Variants in XPNPEP3 observed in about 807,000 individuals in gnomAD.
The protein encoded by XPNPEP3 is X-prolyl aminopeptidase 3.
In XPNPEP3, 41 loss-of-function variants were observed where a neutral mutation model predicts 60.0. That is an observed-to-expected ratio of 0.68 (90% CI 0.53 to 0.89). The LOEUF (loss-of-function observed/expected upper bound fraction) is 0.89. Ranked by LOEUF, XPNPEP3 falls within the 40% of genes least tolerant of loss-of-function variation. The pLI is 0.00. For synonymous variants in XPNPEP3, 212 were observed against 223.2 expected (o/e 0.95, Z 0.45); for missense variants, 598 against 638.9 (o/e 0.94, Z 0.69).
chr22:40,860,656 C>CTTT (rs202011264), intron 1 of XPNPEP3: 49 of 1,130,960 alleles, frequency 4.3e-5, no homozygotes, highest in South Asian at 1.0e-4. Flanking sequence ...TTCCAAATTC[C>CTTT]TTTTTTTTTT....
chr22:40,879,761 G>A (rs1246925798), intron 2 of XPNPEP3, among the ~76,000 whole-genome samples: 1 of 152,174 alleles, frequency 6.6e-6, no homozygotes, highest in East Asian at 1.9e-4. Flanking sequence ...AGAATTGCTT[G>A]AACCGGGAAG....
intron 6 of XPNPEP3, 140 bp from the exon 7 acceptor site, chr22:40,914,099 A>T: frequency 2.8e-6 from 2 of 704,586 alleles, no homozygotes; most frequent in African/African-American, 1.8e-5. Context: ...CTGAGATCAC[A>T]CCATTGCACT....
chr22:40,877,542 G>A (rs1024312408), intron 2 of XPNPEP3, among the ~76,000 whole-genome samples: 2 of 152,178 alleles, frequency 1.3e-5, no homozygotes, highest in South Asian at 4.1e-4. Context: ...ATGATCTTAA[G>A]TGTCCTGGAA....
intron 2 of XPNPEP3, among the ~76,000 whole-genome samples, chr22:40,879,028 G>A (rs2058037620): frequency 6.6e-6 from 1 of 152,196 alleles, no homozygotes; most frequent in Admixed American, 6.6e-5. Flanking sequence ...TTTTGTAAGA[G>A]TATTTACTAC....
chr22:40,872,595 C>T (rs1448306581), intron 2 of XPNPEP3, among the ~76,000 whole-genome samples: 10 of 151,948 alleles, frequency 6.6e-5, no homozygotes, highest in South Asian at 6.2e-4. Flanking sequence ...GGATTACAGG[C>T]GCCTGCTACC....
intron 4 of XPNPEP3, among the ~76,000 whole-genome samples, chr22:40,892,041 G>A (rs540475473): frequency 1.1e-4 from 17 of 152,230 alleles, no homozygotes; most frequent in African/African-American, 1.9e-4. Flanking sequence ...GTTGCTTTGG[G>A]CATGCTGTCA....
chr22:40,870,365 T>G (rs2057999013), intron 2 of XPNPEP3: 1 of 234,592 alleles, frequency 4.3e-6, no homozygotes, highest in Non-Finnish European at 8.7e-6. Flanking sequence ...TAGATTTTTT[T>G]GCTCTATACC....
chr22:40,897,029 CTTTTTTTTTTT>C (rs762152639), intron 4 of XPNPEP3, among the ~76,000 whole-genome samples: 1 of 107,690 alleles, frequency 9.3e-6, no homozygotes, highest in South Asian at 3.2e-4. Context: ...TTTCCTTCAT[CTTTTTTTTTTT>C]TTTTTTTTTT....
intron 4 of XPNPEP3, among the ~76,000 whole-genome samples, chr22:40,891,815 G>GCCA (rs1205510238): frequency 1.3e-5 from 2 of 152,168 alleles, no homozygotes; most frequent in Admixed American, 6.5e-5. Flanking sequence ...GCACTCAGTT[G>GCCA]CATTGTTGGA....
At chr22:40,860,921 C>T (rs1464311551) in intron 1 of XPNPEP3, 2 of 824,190 alleles carry the variant, frequency 2.4e-6, no homozygotes, top group Non-Finnish European at 3.7e-6. Flanking sequence ...CATACCCATT[C>T]AAAAAAACTA....
chr22:40,917,294 C>CACA (rs1441822009), intron 7 of XPNPEP3: 1 of 152,112 alleles, frequency 6.6e-6, no homozygotes, highest in Non-Finnish European at 1.5e-5. Context: ...CAGAGCAGGT[C>CACA]ACAACTCTCA....
At position 40,881,882 on chromosome 22, in the gene XPNPEP3, T is replaced by G; in HGVS notation, c.294T>G (p.Val98=). Residue 98 remains valine (V), a synonymous_variant, in exon 3 of 10, where the codon GTT becomes GTG. Coordinates refer to ENST00000357137, the MANE Select transcript of XPNPEP3 (RefSeq NM_022098.4). ...QGQSGTDQTV[V]VLSNPTYYMS... ...AGAGTGGGACAGACCAGACAGTGGT[T>G]GTGCTCTCCAACCCTACATACTACA... 1 of 1,614,178 alleles carries G rather than the reference T, an allele frequency of 6.2e-7. No homozygotes were observed.
chr22:40,878,970 GA>G (rs1569018999), intron 2 of XPNPEP3, among the ~76,000 whole-genome samples: 2 of 151,834 alleles, frequency 1.3e-5, no homozygotes, highest in African/African-American at 2.4e-5. Context: ...AAAATAAGAT[GA>G]AAAAAAGGAA....
chr22:40,886,461 C>G lies in XPNPEP3; in HGVS notation c.738C>G (p.Ile246Met). 2 of 1,614,094 alleles carry G rather than the reference C, an allele frequency of 1.2e-6. No homozygotes were observed. Among genetic ancestry groups the G allele is most frequent in the Non-Finnish European group, 1.7e-6 (2 of 1,180,020 alleles). ...VQQLIQRLRL[I>M]KSPAEIERMQ... ...AGCTGATACAGCGCCTCCGGCTGAT[C>G]AAGTCTCCTGCAGAAATTGAACGAA... The change falls in exon 4 of 10, where the codon ATC (isoleucine) becomes ATG (methionine). Residue 246 changes from isoleucine (I) to methionine (M), a missense_variant. Transcript: ENST00000357137.
At position 40,928,309 on chromosome 22, in the gene XPNPEP3, C is replaced by CAGGT. The variant is rs2058242888; in HGVS notation, c.*1875_*1876insGGTA. The CAGGT allele has an allele frequency of 1.3e-5, 2 of 150,592 alleles. No homozygotes were observed. The highest frequency in any genetic ancestry group is 4.2e-4 in the South Asian group (2 of 4,790). 9.3% of individuals were successfully genotyped at this position (150,592 alleles called of 1,614,324 possible). The stretch of plus-strand genomic sequence containing the variant: ...ACAACCTCCACCACCTGGGTTCAGG[C>CAGGT]AATTCTCCTGCCTCAGCCTCCCAAG... On this transcript the variant is annotated 3_prime_UTR_variant, in exon 10 of 10. Coordinates refer to ENST00000357137, the MANE Select transcript of XPNPEP3 (RefSeq NM_022098.4).
intron 4 of XPNPEP3, among the ~76,000 whole-genome samples, chr22:40,899,996 C>T (rs925846359): frequency 6.6e-6 from 1 of 151,756 alleles, no homozygotes; most frequent in African/African-American, 2.4e-5. Flanking sequence ...ACCTAGGAGG[C>T]GGAGATTGCA....
chr22:40,893,496 ACT>A (rs1400398585), intron 4 of XPNPEP3, among the ~76,000 whole-genome samples: 1 of 134,844 alleles, frequency 7.4e-6, no homozygotes, highest in Non-Finnish European at 1.6e-5. Context: ...TAAGAGTGAA[ACT>A]CTATCTCAAA....
intron 1 of XPNPEP3, among the ~76,000 whole-genome samples, chr22:40,864,554 T>G (rs1348233888): frequency 6.6e-6 from 1 of 152,170 alleles, no homozygotes; most frequent in African/African-American, 2.4e-5. Context: ...CAAGCCATTC[T>G]CCTGCCTCAG....
chr22:40,923,583 G>A (rs2058224326), intron 8 of XPNPEP3, among the ~76,000 whole-genome samples: 2 of 152,082 alleles, frequency 1.3e-5, no homozygotes, highest in Admixed American at 6.6e-5. Flanking sequence ...TGGGCACAGT[G>A]GCTCACACCT....
Sources: allele counts gnomAD v4.1 joint callset (sites outside exome capture counted in the v4.1 genomes callset), GRCh38; gene constraint gnomAD v4.1.1; transcripts MANE v1.5; gene names NCBI Gene and HGNC (gene_info 2026-07-23, HGNC 2026-07-21).